Variants in FOXP1 observed in about 807,000 individuals in gnomAD.
FOXP1 encodes forkhead box protein P1.
Under a neutral mutation model 98.2 loss-of-function variants are expected in FOXP1, and 15 were observed. The observed-to-expected ratio is 0.15, with a 90% confidence interval of 0.10 to 0.24. FOXP1 has a LOEUF of 0.24. FOXP1 is among the 10% of genes least tolerant of loss of function. The pLI is 1.00. For synonymous variants in FOXP1, 371 were observed against 314.5 expected, an observed-to-expected ratio of 1.18 and a Z score of -1.90; for missense variants, 633 against 848.5, an observed-to-expected ratio of 0.75 and a Z score of 3.15.
chr3:71,483,342 A>T (rs2090423729), intron 3 of FOXP1, among the ~76,000 whole-genome samples: 1 of 152,206 alleles, frequency 6.6e-6, no homozygotes, highest in Non-Finnish European at 1.5e-5. Context: ...AACTGATGAC[A>T]TTATTATTTC....
intron 2 of FOXP1, among the ~76,000 whole-genome samples, chr3:71,521,740 G>A (rs2043006803): frequency 6.6e-6 from 1 of 152,154 alleles, no homozygotes; most frequent in Non-Finnish European, 1.5e-5. Context: ...GGTTTCTTTG[G>A]AAGATATGAG....
chr3:71,142,015 T>C (rs2060095014), intron 6 of FOXP1, among the ~76,000 whole-genome samples: 1 of 152,216 alleles, frequency 6.6e-6, no homozygotes, highest in African/African-American at 2.4e-5. Flanking sequence ...CAGAATTGTG[T>C]TGTTCAACTA....
chr3:71,334,028 T>A, intron 4 of FOXP1: 1 of 150,498 alleles, frequency 6.6e-6, no homozygotes, highest in East Asian at 2.0e-4. Context: ...AAAAACAAAA[T>A]CAAACAGAAA....
intron 3 of FOXP1, among the ~76,000 whole-genome samples, chr3:71,486,045 C>A (rs1487424654): frequency 6.6e-6 from 1 of 151,912 alleles, no homozygotes; most frequent in Non-Finnish European, 1.5e-5. Flanking sequence ...CTTAAAGAAC[C>A]ACGGAATCTA....
chr3:71,410,090 G>C (rs910340483), intron 3 of FOXP1, among the ~76,000 whole-genome samples: 1 of 152,140 alleles, frequency 6.6e-6, no homozygotes, highest in African/African-American at 2.4e-5. Context: ...CTCTCTCAGT[G>C]TCAGCTCCCT....
chr3:71,181,087 G>A (rs1406696015), intron 6 of FOXP1, among the ~76,000 whole-genome samples: 2 of 152,138 alleles, frequency 1.3e-5, no homozygotes, highest in African/African-American at 2.4e-5. Flanking sequence ...TCCATTTATC[G>A]CCTCAATGAG....
rs548201302 is a variant in FOXP1, at chr3:71,109,934, T to C, written c.282+2602A>G. On this transcript the variant is annotated intron_variant, in intron 7 of 20. Transcript: ENST00000649528. ...TGGTCTAAATTCTCTGCTTGTCAAT[T>C]CCTCTACTTGGGGGGTAGGGGAAAA... Among the ~76,000 whole-genome samples the C allele has an allele frequency of 2.0e-4, 31 of 152,246 alleles. 1 individual carries two copies. The highest frequency in any genetic ancestry group is 6.0e-4 in the African/African-American group (25 of 41,558).
At chr3:71,455,473 T>C (rs1171814068) in intron 3 of FOXP1, among the ~76,000 whole-genome samples, 1 of 152,166 alleles carries the variant, frequency 6.6e-6, no homozygotes, top group Non-Finnish European at 1.5e-5. Context: ...GGAAACTAGC[T>C]CTCAAAGGGG....
At chr3:71,567,580 C>T (rs910626964) in intron 2 of FOXP1, among the ~76,000 whole-genome samples, 4 of 152,162 alleles carry the variant, frequency 2.6e-5, no homozygotes, top group African/African-American at 9.7e-5. Context: ...AAGCTGTTAG[C>T]TTTATTAGTG....
intron 3 of FOXP1, among the ~76,000 whole-genome samples, chr3:71,416,547 AACACACACACACACACACACACACAC>A (rs55710900): frequency 5.6e-4 from 77 of 136,852 alleles, no homozygotes; most frequent in African/African-American, 2.1e-3. Flanking sequence ...TCTGTCTCAA[AACACACACACACACACACACACACAC>A]ACACACACAC....
chr3:71,397,036 G>GTGTA (rs1560425364), intron 3 of FOXP1, among the ~76,000 whole-genome samples: 9 of 39,160 alleles, frequency 2.3e-4, no homozygotes, highest in Non-Finnish European at 4.6e-4. Context: ...ATATATATGT[G>GTGTA]TATATATATA....
chr3:71,583,963 TCGC>T, upstream of FOXP1: 1 of 978,192 alleles, frequency 1.0e-6, no homozygotes, highest in Non-Finnish European at 1.2e-6. Flanking sequence ...TCTTTGCCGT[TCGC>T]CGGGGCGCTG....
chr3:71,234,759 A>G (rs1309665781), intron 5 of FOXP1, among the ~76,000 whole-genome samples: 1 of 152,224 alleles, frequency 6.6e-6, no homozygotes, highest in Non-Finnish European at 1.5e-5. Flanking sequence ...GATGATTGAA[A>G]ATGGAAGCAC....
chr3:71,159,654 T>G (rs2061033842), intron 6 of FOXP1, among the ~76,000 whole-genome samples: 1 of 152,136 alleles, frequency 6.6e-6, no homozygotes, highest in African/African-American at 2.4e-5. Context: ...CAACTGACCT[T>G]CAGCAGTCCT....
chr3:71,422,237 T>A (rs1265688421), intron 3 of FOXP1, among the ~76,000 whole-genome samples: 1 of 152,196 alleles, frequency 6.6e-6, no homozygotes, highest in Admixed American at 6.5e-5. Context: ...GAGAGAAGCA[T>A]GCAACAGCAT....
chr3:71,411,292 T>TGC (rs1272981731), intron 3 of FOXP1, among the ~76,000 whole-genome samples: 1 of 146,812 alleles, frequency 6.8e-6, no homozygotes, highest in Non-Finnish European at 1.5e-5. Flanking sequence ...TGTGTGTGTG[T>TGC]GTGTGTGTGT....
At chr3:71,061,647 G>T (rs1270429711) in intron 7 of FOXP1, among the ~76,000 whole-genome samples, 1 of 151,996 alleles carries the variant, frequency 6.6e-6, no homozygotes, top group African/African-American at 2.4e-5. Flanking sequence ...TAACCTTCTC[G>T]ATCAACTGTT....
At chr3:71,249,997 A>G (rs1367539490) in intron 5 of FOXP1, among the ~76,000 whole-genome samples, 1 of 152,194 alleles carries the variant, frequency 6.6e-6, no homozygotes, top group Non-Finnish European at 1.5e-5. Flanking sequence ...GTTGTCTGAC[A>G]TCTGTATAAA....
At chr3:71,379,064 T>C (rs921438691) in intron 3 of FOXP1, among the ~76,000 whole-genome samples, 32 of 152,202 alleles carry the variant, frequency 2.1e-4, no homozygotes, top group African/African-American at 7.5e-4. Context: ...TCAGCCATTC[T>C]TTCAGTCCTT....
Sources: gnomAD v4.1 joint callset for allele counts (sites outside exome capture counted in the v4.1 genomes callset) on GRCh38, gnomAD v4.1.1 for gene constraint, MANE v1.5 for transcripts, NCBI Gene and HGNC (gene_info 2026-07-23, HGNC 2026-07-21) for gene names.